Variants in SIM1 observed in about 807,000 individuals in gnomAD.
The protein encoded by SIM1 is single-minded homolog 1.
Under a neutral mutation model 78.2 loss-of-function variants are expected in SIM1, and 18 were observed. The ratio of observed to expected loss-of-function variants is 0.23; its 90% CI spans 0.16 to 0.34. The LOEUF (loss-of-function observed/expected upper bound fraction) is 0.34. SIM1 is among the 10% of genes least tolerant of loss of function. SIM1 has a pLI of 1.00. For missense variants in SIM1, 939 were observed against 975.1 expected, an observed-to-expected ratio of 0.96 and a Z score of 0.49; for synonymous variants, 417 against 385.2, an observed-to-expected ratio of 1.08 and a Z score of -0.97.
At chr6:100,443,884 G>A (rs914853401) in intron 9 of SIM1, among the ~76,000 whole-genome samples, 4 of 152,090 alleles carry the variant, frequency 2.6e-5, no homozygotes, top group African/African-American at 9.7e-5. Context: ...GTTGTTGGAT[G>A]TAGATGATGT....
intron 9 of SIM1, among the ~76,000 whole-genome samples, chr6:100,431,408 A>T (rs1771895732): frequency 1.3e-5 from 2 of 152,194 alleles, no homozygotes; most frequent in African/African-American, 4.8e-5. Context: ...CTAAATATAC[A>T]TTAAACTCTA....
At chr6:100,459,049 T>C (rs1015319951) in intron 2 of SIM1, among the ~76,000 whole-genome samples, 1 of 152,172 alleles carries the variant, frequency 6.6e-6, no homozygotes, top group South Asian at 2.1e-4. Flanking sequence ...TCATTCTGTG[T>C]CCACATTTGG....
intron 9 of SIM1, among the ~76,000 whole-genome samples, chr6:100,433,590 C>T (rs2114521174): frequency 6.6e-6 from 1 of 151,882 alleles, no homozygotes; most frequent in Admixed American, 6.6e-5. Flanking sequence ...TCAAATTAGC[C>T]AGGTGTGGTG....
In SIM1 at chr6:100,389,938, A is replaced by T. The variant is rs1208460677; in HGVS notation, c.*423T>A. 8.2e-5 allele frequency: 32 copies of T among 391,426 alleles called. No individual in the cohort carries two copies. In the Admixed American group the frequency reaches 1.4e-3, roughly 17 times the overall value. 24.2% of individuals were successfully genotyped at this position (391,426 alleles called of 1,614,324 possible). A position where few individuals can be genotyped will look rare whatever the true frequency, so the allele number is the denominator to read the frequency against. ...AGTCAAAGAAAATTACCCATTTTTG[A>T]TGTATTTACATTACATAGCCTATAT... On this transcript the variant is annotated 3_prime_UTR_variant, in exon 12 of 12. Transcript: ENST00000369208.
chr6:100,412,675 A>G lies in SIM1; in HGVS notation c.1167+8115T>C, dbSNP rs533592391. ...AAAGAAAGAGAGAGAGAGAGAGAGA[A>G]AGAAAGAAAAAGAAAGAAAGAAAGA... On this transcript the variant is annotated intron_variant, in intron 10 of 11. Transcript: ENST00000369208. Among the ~76,000 whole-genome samples the G allele has an allele frequency of 5.5e-3, 633 of 115,612 alleles. 23 individuals carry two copies. Among genetic ancestry groups the G allele is most frequent in the African/African-American group, 0.015 (461 of 31,666 alleles). The allele number at this position is 115,612 out of a possible 152,430, so 75.8% of individuals were successfully genotyped here. A position where few individuals can be genotyped will look rare whatever the true frequency, so the allele number is the denominator to read the frequency against.
chr6:100,396,339 T>G (rs2114467718), intron 10 of SIM1, among the ~76,000 whole-genome samples: 1 of 152,202 alleles, frequency 6.6e-6, no homozygotes, highest in East Asian at 1.9e-4. Context: ...CAGTCAAGAC[T>G]TTTGAGCCCT....
At chr6:100,434,069 A>C (rs1265862790) in intron 9 of SIM1, among the ~76,000 whole-genome samples, 1 of 152,246 alleles carries the variant, frequency 6.6e-6, no homozygotes, top group African/African-American at 2.4e-5. Flanking sequence ...ACAAATAGAA[A>C]AGAGATTATT....
Position 100,449,596 on chromosome 6 carries a change from A to C in SIM1, c.452T>G (p.Val151Gly), listed in dbSNP as rs376356150. 289 of 1,613,444 alleles carry C rather than the reference A, an allele frequency of 1.8e-4. No individual in the cohort carries two copies. Among genetic ancestry groups the C allele is most frequent in the Non-Finnish European group, 2.3e-4 (268 of 1,179,500 alleles). The change falls in exon 5 of 12, where the codon GTG (valine) becomes GGG (glycine). Residue 151 changes from valine to glycine, a missense_variant. By Grantham distance (109) the Val-to-Gly change is moderately radical. Around this residue, in one of 5 missense-constraint regions of SIM1, gnomAD observed 187 missense variants for 191.6 expected, o/e 0.98. Transcript: ENST00000369208. The part of the protein sequence containing the change: ...TAHQPYHSHF[V>G]QEYEIERSFF... The stretch of plus-strand genomic sequence containing the variant: ...CAGGCATGTGTCTACCTTACCCTGC[A>C]CGAAGTGAGAGTGGTAGGGTTGATG...
At chr6:100,430,344 G>T (rs1278567655) in intron 9 of SIM1, among the ~76,000 whole-genome samples, 1 of 152,146 alleles carries the variant, frequency 6.6e-6, no homozygotes, top group African/African-American at 2.4e-5. Flanking sequence ...CTGGAGGAGG[G>T]TGTTGGTCTT....
chr6:100,393,101 AT>A (rs1770680372), intron 11 of SIM1, among the ~76,000 whole-genome samples: 1 of 152,172 alleles, frequency 6.6e-6, no homozygotes, highest in Non-Finnish European at 1.5e-5. Context: ...TAGTGCCCTC[AT>A]TGAGAAACAC....
intron 9 of SIM1, among the ~76,000 whole-genome samples, chr6:100,432,138 A>T (rs946982849): frequency 6.6e-6 from 1 of 152,164 alleles, no homozygotes; most frequent in African/African-American, 2.4e-5. Context: ...AGAGTAACAC[A>T]CTATCTCTTA....
intron 9 of SIM1, among the ~76,000 whole-genome samples, chr6:100,433,923 C>G (rs1319580415): frequency 2.0e-5 from 3 of 152,120 alleles, no homozygotes; most frequent in Non-Finnish European, 4.4e-5. Flanking sequence ...TGAACCATCC[C>G]CAGCTTGTCA....
intron 10 of SIM1, among the ~76,000 whole-genome samples, chr6:100,417,948 G>A (rs1771447653): frequency 6.6e-6 from 1 of 152,246 alleles, no homozygotes; most frequent in South Asian, 2.1e-4. Context: ...GAAATTCTAA[G>A]GACTAGTTTA....
intron 10 of SIM1, among the ~76,000 whole-genome samples, chr6:100,399,212 C>T (rs1213954244): frequency 1.3e-5 from 2 of 152,014 alleles, no homozygotes; most frequent in African/African-American, 4.8e-5. Context: ...AGATTTCCTT[C>T]AAAAGATGAA....
chr6:100,448,517 G>A lies in SIM1; in HGVS notation c.705C>T (p.Arg235=). The part of the protein sequence containing the change: ...IKLHSNMFMF[R]ASLDMKLIFL... ...AGATGAGCTTCATGTCCAGGCTGGC[G>A]CGGAACATAAACATATTGCTGTGTA... is the stretch of plus-strand genomic sequence containing the variant. The change falls in exon 7 of 12, where the codon CGC becomes CGT. Residue 235 remains arginine (R), a synonymous_variant. Coordinates refer to ENST00000369208, the MANE Select transcript of SIM1 (RefSeq NM_005068.3). 1 of 1,614,048 alleles carries A rather than the reference G, an allele frequency of 6.2e-7. No individual in the cohort carries two copies. Among genetic ancestry groups the A allele is most frequent in the Non-Finnish European group, 8.5e-7 (1 of 1,180,028 alleles).
At chr6:100,408,088 T>C (rs1354936892) in intron 10 of SIM1, among the ~76,000 whole-genome samples, 2 of 152,162 alleles carry the variant, frequency 1.3e-5, no homozygotes, top group African/African-American at 4.8e-5. Flanking sequence ...TCCCTATGTT[T>C]TTTTCTAGAA....
At chr6:100,417,396 T>A (rs1367249690) in intron 10 of SIM1, among the ~76,000 whole-genome samples, 2 of 152,236 alleles carry the variant, frequency 1.3e-5, no homozygotes, top group Non-Finnish European at 2.9e-5. Context: ...CTAGCACTTT[T>A]TAATCCAACC....
chr6:100,452,142 A>C (rs930245309), intron 3 of SIM1, among the ~76,000 whole-genome samples: 7 of 152,226 alleles, frequency 4.6e-5, no homozygotes, highest in African/African-American at 1.4e-4. Flanking sequence ...GCTATTTTAG[A>C]AACTGAGGGA....
At chr6:100,448,293 T>G (rs775607821) in intron 7 of SIM1, 41 bp from the exon 8 acceptor site, 7 of 1,521,156 alleles carry the variant, frequency 4.6e-6, no homozygotes, top group Middle Eastern at 1.7e-4. Context: ...CAGGCGCGGG[T>G]GCAGGGATGC....
Sources: allele counts gnomAD v4.1 joint callset (sites outside exome capture counted in the v4.1 genomes callset), GRCh38; gene constraint gnomAD v4.1.1; regional missense constraint gnomAD v4.1.1; transcripts MANE v1.5; gene names NCBI Gene and HGNC (gene_info 2026-07-23, HGNC 2026-07-21).